CDYL2: variants seen among roughly 807,000 people sequenced by gnomAD.
CDYL2 encodes the protein chromodomain Y-like protein 2.
In CDYL2, 23 loss-of-function variants were observed where a neutral mutation model predicts 49.4. The ratio of observed to expected loss-of-function variants is 0.47; its 90% CI spans 0.34 to 0.66. CDYL2 has a LOEUF of 0.66. CDYL2 is among the 30% of genes least tolerant of loss of function. The pLI is 0.01. For synonymous variants in CDYL2, 360 were observed against 268.8 expected, an observed-to-expected ratio of 1.34 and a Z score of -3.32; for missense variants, 678 against 656.4, an observed-to-expected ratio of 1.03 and a Z score of -0.36.
chr16:80,609,331 A>G (rs114930390), intron 5 of CDYL2, among the ~76,000 whole-genome samples: 3,835 of 152,182 alleles, frequency 0.025, 176 homozygotes, highest in African/African-American at 0.088. Context: ...CTGCCTCTAC[A>G]TGCTAGCTCC....
chr16:80,745,535 A>C (rs2142556758), intron 1 of CDYL2, among the ~76,000 whole-genome samples: 1 of 152,030 alleles, frequency 6.6e-6, no homozygotes, highest in Non-Finnish European at 1.5e-5. Flanking sequence ...TAAAAACAGT[A>C]CCCCCTTCAT....
chr16:80,700,177 A>G (rs1295641062), intron 1 of CDYL2, among the ~76,000 whole-genome samples: 1 of 152,240 alleles, frequency 6.6e-6, no homozygotes. Flanking sequence ...TTTTAAAAAG[A>G]GCAAAGTTGG....
intron 1 of CDYL2, among the ~76,000 whole-genome samples, chr16:80,766,008 C>T (rs1906711869): frequency 1.3e-5 from 2 of 151,410 alleles, no homozygotes; most frequent in South Asian, 4.2e-4. Context: ...ATTCCATCTA[C>T]ATGAAACATC....
chr16:80,723,175 G>C (rs1038226307), intron 1 of CDYL2, among the ~76,000 whole-genome samples: 2 of 152,176 alleles, frequency 1.3e-5, no homozygotes, highest in Non-Finnish European at 2.9e-5. Context: ...GGAATTCCTG[G>C]AGAGAGGAAA....
chr16:80,680,071 G>C (rs148008004), intron 2 of CDYL2, among the ~76,000 whole-genome samples: 58 of 152,260 alleles, frequency 3.8e-4, no homozygotes, highest in Middle Eastern at 3.4e-3. Flanking sequence ...AATCAATAAA[G>C]GGAAAAATGA....
intron 1 of CDYL2, among the ~76,000 whole-genome samples, chr16:80,788,610 T>C (rs543046300): frequency 6.6e-6 from 1 of 152,336 alleles, no homozygotes; most frequent in South Asian, 2.1e-4. Flanking sequence ...GGACAGAATT[T>C]AGAAGGAAAA....
chr16:80,781,490 C>T (rs568324508), intron 1 of CDYL2, among the ~76,000 whole-genome samples: 7 of 152,092 alleles, frequency 4.6e-5, no homozygotes, highest in African/African-American at 7.2e-5. Context: ...CTAGACAGAA[C>T]AGTAAGAAAA....
chr16:80,802,538 A>C (rs904619099), intron 1 of CDYL2, among the ~76,000 whole-genome samples: 1 of 152,178 alleles, frequency 6.6e-6, no homozygotes, highest in Non-Finnish European at 1.5e-5. Context: ...TCTTCACAAG[A>C]TCTCTATCCA....
In CDYL2 at chr16:80,606,232, G is replaced by A. The variant is rs544358585; in HGVS notation, c.1363-1686C>T. ...CCCTGGAATGGCCTCGAAGAGCACCGTCTCCCAGAGGCCATGGGCCTTACT... is the reference window on the plus strand; with the variant it reads ...CCCTGGAATGGCCTCGAAGAGCACCATCTCCCAGAGGCCATGGGCCTTACT... On this transcript the variant is annotated intron_variant, in intron 6 of 6. Coordinates refer to ENST00000570137, the MANE Select transcript of CDYL2 (RefSeq NM_152342.4). 1.1e-4 allele frequency among the ~76,000 whole-genome samples: 17 copies of A among 152,346 alleles called. No individual in the cohort carries two copies. In the South Asian group the frequency reaches 1.4e-3, roughly 13 times the overall value.
At chr16:80,742,416 A>C (rs921289386) in intron 1 of CDYL2, 3 of 151,836 alleles carry the variant, frequency 2.0e-5, no homozygotes, top group Non-Finnish European at 4.4e-5. Context: ...GGATATATAA[A>C]TGGTTGAGTG....
At chr16:80,676,144 G>A (rs368246454) in intron 2 of CDYL2, among the ~76,000 whole-genome samples, 2 of 152,122 alleles carry the variant, frequency 1.3e-5, no homozygotes, top group African/African-American at 2.4e-5. Flanking sequence ...TGCATAGGGC[G>A]GTGGCCAAGT....
intron 2 of CDYL2, among the ~76,000 whole-genome samples, chr16:80,680,973 A>T (rs2142468708): frequency 6.6e-6 from 1 of 152,298 alleles, no homozygotes; most frequent in East Asian, 1.9e-4. Context: ...AAGACTCAGA[A>T]TCAAGAGCAG....
chr16:80,743,554 C>T (rs1340557662), intron 1 of CDYL2, among the ~76,000 whole-genome samples: 2 of 152,160 alleles, frequency 1.3e-5, no homozygotes, highest in Non-Finnish European at 2.9e-5. Flanking sequence ...CAGGTCTCAC[C>T]TACATCCCAG....
At chr16:80,676,961 GTATT>G (rs1470631020) in intron 2 of CDYL2, among the ~76,000 whole-genome samples, 22 of 110,562 alleles carry the variant, frequency 2.0e-4, no homozygotes, top group African/African-American at 7.2e-4. Context: ...CCAATTCAAT[GTATT>G]TTTTTTTTTT....
chr16:80,640,724 C>T (rs191474758), intron 2 of CDYL2, among the ~76,000 whole-genome samples: 141 of 152,054 alleles, frequency 9.3e-4, no homozygotes, highest in African/African-American at 3.1e-3. Flanking sequence ...ATTCAGACTT[C>T]GATTAGATAA....
rs1232830258 is a variant in CDYL2, at chr16:80,602,851, G to A, written c.*1537C>T. ...AGCTTTTTCTGGGTGCTTGACCCAT[G>A]GTTTAAACCTCACGCAGAACACATC... On this transcript the variant is annotated 3_prime_UTR_variant, in exon 7 of 7. Coordinates refer to ENST00000570137, the MANE Select transcript of CDYL2 (RefSeq NM_152342.4). 6.6e-6 allele frequency: 1 copy of A among 152,144 alleles called. No individual in the cohort carries two copies. The highest frequency in any genetic ancestry group is 6.5e-5 in the Admixed American group (1 of 15,278). The allele number at this position is 152,144 out of a possible 1,614,324, so 9.4% of individuals were successfully genotyped here.
intron 1 of CDYL2, among the ~76,000 whole-genome samples, chr16:80,735,669 C>T (rs1296008178): frequency 6.6e-6 from 1 of 152,166 alleles, no homozygotes; most frequent in Non-Finnish European, 1.5e-5. Flanking sequence ...TAGAAAAGCT[C>T]CGGGAAGTTT....
intron 1 of CDYL2, among the ~76,000 whole-genome samples, chr16:80,783,414 G>T: frequency 6.6e-6 from 1 of 152,238 alleles, no homozygotes; most frequent in Non-Finnish European, 1.5e-5. Flanking sequence ...TTGCTGCTAT[G>T]GGTGTAAAAT....
At chr16:80,727,975 T>C (rs1283342005) in intron 1 of CDYL2, among the ~76,000 whole-genome samples, 1 of 151,500 alleles carries the variant, frequency 6.6e-6, no homozygotes, top group East Asian at 1.9e-4. Flanking sequence ...AGACCAAAAG[T>C]AGATAAAAAC....
Sources: allele counts gnomAD v4.1 joint callset (sites outside exome capture counted in the v4.1 genomes callset), GRCh38; gene constraint gnomAD v4.1.1; transcripts MANE v1.5; gene names NCBI Gene and HGNC (gene_info 2026-07-23, HGNC 2026-07-21).